Variants in TET1 observed in about 807,000 individuals in gnomAD.
The protein encoded by TET1 is methylcytosine dioxygenase TET1.
A neutral mutation model predicts 148.7 loss-of-function variants in TET1; 13 were observed. That is an observed-to-expected ratio of 0.09 (90% CI 0.06 to 0.14). The LOEUF (loss-of-function observed/expected upper bound fraction) is 0.14. TET1 is among the 10% of genes least tolerant of loss of function. The pLI is 1.00. For synonymous variants in TET1, 907 were observed against 937.2 expected, an observed-to-expected ratio of 0.97 and a Z score of 0.59; for missense variants, 2,182 against 2,553.8, an observed-to-expected ratio of 0.85 and a Z score of 3.14.
At chr10:68,597,029 G>GCTTTTTTTT in intron 2 of TET1, among the ~76,000 whole-genome samples, 1 of 90,300 alleles carries the variant, frequency 1.1e-5, no homozygotes, top group Non-Finnish European at 2.2e-5. Context: ...ACAGCTAATG[G>GCTTTTTTTT]ATTTTTTTTT....
chr10:68,621,646 G>A (rs2054373409), intron 3 of TET1, among the ~76,000 whole-genome samples: 1 of 152,040 alleles, frequency 6.6e-6, no homozygotes, highest in South Asian at 2.1e-4. Context: ...CTGAGTAGAC[G>A]ATTTGGGGTG....
chr10:68,602,305 T>C (rs2054067022), intron 3 of TET1, among the ~76,000 whole-genome samples: 1 of 152,208 alleles, frequency 6.6e-6, no homozygotes, highest in African/African-American at 2.4e-5. Flanking sequence ...TCGACCCCCA[T>C]TTATTCCTTT....
chr10:68,647,581 G>A (rs2054869875), intron 4 of TET1, among the ~76,000 whole-genome samples: 1 of 151,462 alleles, frequency 6.6e-6, no homozygotes, highest in Non-Finnish European at 1.5e-5. Context: ...TCCAGCTTGG[G>A]CAACAGAGCA....
intron 2 of TET1, among the ~76,000 whole-genome samples, chr10:68,597,425 T>A (rs1289150719): frequency 6.6e-6 from 1 of 152,212 alleles, no homozygotes; most frequent in Non-Finnish European, 1.5e-5. Flanking sequence ...GTTCATTTTT[T>A]AAAGTTATAT....
chr10:68,618,350 A>G (rs1239040025), intron 3 of TET1, among the ~76,000 whole-genome samples: 1 of 152,182 alleles, frequency 6.6e-6, no homozygotes, highest in Non-Finnish European at 1.5e-5. Flanking sequence ...AATAGGTATT[A>G]GGGAATGAGG....
At chr10:68,584,615 A>G (rs1483680655) in intron 2 of TET1, among the ~76,000 whole-genome samples, 1 of 149,664 alleles carries the variant, frequency 6.7e-6, no homozygotes, top group African/African-American at 2.5e-5. Context: ...AGGCTGAGGC[A>G]GGAGAATTGC....
intron 5 of TET1, 50 bp from the exon 6 acceptor site, chr10:68,652,451 T>A (rs759431883): frequency 7.2e-7 from 1 of 1,380,454 alleles, no homozygotes; most frequent in Non-Finnish European, 1.0e-6. Context: ...AGCCTTCAAG[T>A]ACAGATTGCA....
chr10:68,630,837 G>A (rs1987255), intron 3 of TET1, among the ~76,000 whole-genome samples: 1 of 152,146 alleles, frequency 6.6e-6, no homozygotes. Context: ...ATAAAGAGTG[G>A]AGAATTGAAG....
chr10:68,613,050 C>T (rs551240417), intron 3 of TET1, among the ~76,000 whole-genome samples: 1 of 152,288 alleles, frequency 6.6e-6, no homozygotes, highest in Non-Finnish European at 1.5e-5. Context: ...TGAATTCATA[C>T]ACATTATAGC....
At chr10:68,671,456 G>A (rs1564503554) in intron 7 of TET1, among the ~76,000 whole-genome samples, 1 of 152,180 alleles carries the variant, frequency 6.6e-6, no homozygotes, top group Non-Finnish European at 1.5e-5. Context: ...TCATTGATGG[G>A]CAATTAGGTT....
chr10:68,694,367 TA>T lies in TET1; in HGVS notation c.*2557del. 1 of 232,626 alleles carries T rather than the reference TA, an allele frequency of 4.3e-6. No homozygotes were observed. The highest frequency in any genetic ancestry group is 8.5e-6 in the Non-Finnish European group (1 of 117,678). The allele number at this position is 232,626 out of a possible 1,614,324, so 14.4% of individuals were successfully genotyped here. A position where few individuals can be genotyped will look rare whatever the true frequency, so the allele number is the denominator to read the frequency against. ...CCATTCTCTGCCCTGTGATTTTTTT[TA>T]AAAGCTTATTCAATGTTCTGCAGCA... On this transcript the variant is annotated 3_prime_UTR_variant, in exon 12 of 12. Transcript: ENST00000373644.
chr10:68,688,345 G>A (rs563113614), intron 11 of TET1, among the ~76,000 whole-genome samples: 13 of 151,054 alleles, frequency 8.6e-5, no homozygotes, highest in East Asian at 7.8e-4. Context: ...TGATCCACCC[G>A]CCTCGGCCTC....
At chr10:68,593,082 A>T (rs986617414) in intron 2 of TET1, among the ~76,000 whole-genome samples, 6 of 152,000 alleles carry the variant, frequency 3.9e-5, no homozygotes, top group Non-Finnish European at 5.9e-5. Flanking sequence ...TACAAAAAAA[A>T]TTACCTGGGC....
chr10:68,612,476 C>G (rs1346312160), intron 3 of TET1, among the ~76,000 whole-genome samples: 1 of 152,114 alleles, frequency 6.6e-6, no homozygotes, highest in Non-Finnish European at 1.5e-5. Flanking sequence ...GGAGAATCCA[C>G]TGATCCCCGG....
intron 6 of TET1, among the ~76,000 whole-genome samples, chr10:68,663,624 A>T (rs1452491117): frequency 6.6e-6 from 1 of 152,210 alleles, no homozygotes; most frequent in Admixed American, 6.5e-5. Context: ...TAGAACAATT[A>T]TGAAGTCTGT....
At chr10:68,593,385 A>G (rs1280598624) in intron 2 of TET1, among the ~76,000 whole-genome samples, 1 of 152,062 alleles carries the variant, frequency 6.6e-6, no homozygotes, top group Non-Finnish European at 1.5e-5. Context: ...AGGTTCTTCA[A>G]TAATTTTAAG....
At chr10:68,606,334 T>C (rs761744641) in intron 3 of TET1, among the ~76,000 whole-genome samples, 3 of 152,174 alleles carry the variant, frequency 2.0e-5, no homozygotes, top group Non-Finnish European at 4.4e-5. Context: ...GCCTCTGCAC[T>C]CCAGCCTGGG....
At chr10:68,671,413 T>C (rs1302719797) in intron 7 of TET1, among the ~76,000 whole-genome samples, 2 of 152,248 alleles carry the variant, frequency 1.3e-5, no homozygotes, top group Non-Finnish European at 2.9e-5. Context: ...TATTCTGTGG[T>C]GTATGTGTAC....
intron 2 of TET1, among the ~76,000 whole-genome samples, chr10:68,591,896 C>T (rs921625528): frequency 6.7e-6 from 1 of 149,392 alleles, no homozygotes; most frequent in African/African-American, 2.5e-5. Context: ...CAGAGCAAGA[C>T]TCCCTCTCAA....
Sources: gnomAD v4.1 joint callset for allele counts (sites outside exome capture counted in the v4.1 genomes callset) on GRCh38, gnomAD v4.1.1 for gene constraint, MANE v1.5 for transcripts, NCBI Gene and HGNC (gene_info 2026-07-23, HGNC 2026-07-21) for gene names.